The following KAT2B variants were observed in gnomAD, a reference collection of about 807,000 sequenced individuals.
KAT2B encodes the protein lysine acetyltransferase 2B, also known as histone acetyltransferase KAT2B.
Under a neutral mutation model 105.9 loss-of-function variants are expected in KAT2B, and 36 were observed. The observed-to-expected ratio is 0.34, with a 90% confidence interval of 0.26 to 0.45. KAT2B has a LOEUF of 0.45. Ranked by LOEUF, KAT2B falls within the 20% of genes least tolerant of loss-of-function variation. The pLI is 1.00. For missense variants in KAT2B, 820 were observed against 1,021.6 expected, an observed-to-expected ratio of 0.80 and a Z score of 2.69; for synonymous variants, 397 against 377.9, an observed-to-expected ratio of 1.05 and a Z score of -0.59.
At chr3:20,136,352 T>C (rs1699598490) in intron 11 of KAT2B, among the ~76,000 whole-genome samples, 1 of 152,226 alleles carries the variant, frequency 6.6e-6, no homozygotes, top group Non-Finnish European at 1.5e-5. Flanking sequence ...TACTTTCTAA[T>C]GTCTTCTGGC....
intron 1 of KAT2B, among the ~76,000 whole-genome samples, chr3:20,047,575 A>G (rs1697836025): frequency 6.7e-6 from 1 of 148,990 alleles, no homozygotes; most frequent in Middle Eastern, 3.6e-3. Context: ...GACTTCTTCC[A>G]TCCCCGAAAG....
In KAT2B at chr3:20,040,474, C is replaced by T. The variant is rs1575098543; in HGVS notation, c.-4C>T. On this transcript the variant is annotated 5_prime_UTR_variant, in exon 1 of 18. Coordinates refer to ENST00000263754, the MANE Select transcript of KAT2B (RefSeq NM_003884.5). ...CGGCGCCTCCTGCCGTGCTCCGGGGCGGCATGTCCGAGGCTGGCGGGGCCG... is the reference window on the plus strand; with the variant it reads ...CGGCGCCTCCTGCCGTGCTCCGGGGTGGCATGTCCGAGGCTGGCGGGGCCG... The T allele has an allele frequency of 1.9e-6, 2 of 1,063,776 alleles. No homozygotes were observed. Among genetic ancestry groups the T allele is most frequent in the Non-Finnish European group, 1.1e-6 (1 of 882,626 alleles). The allele number at this position is 1,063,776 out of a possible 1,614,324, so 65.9% of individuals were successfully genotyped here.
intron 1 of KAT2B, among the ~76,000 whole-genome samples, chr3:20,058,453 C>CAAA (rs35239760): frequency 9.6e-4 from 71 of 74,228 alleles, no homozygotes; most frequent in East Asian, 2.9e-3. Context: ...GACTCTGTCT[C>CAAA]AAAAAAAAAA....
At chr3:20,135,246 A>G (rs1699580062) in intron 11 of KAT2B, among the ~76,000 whole-genome samples, 1 of 152,242 alleles carries the variant, frequency 6.6e-6, no homozygotes, top group African/African-American at 2.4e-5. Flanking sequence ...AATTTGCAGA[A>G]GAGGGAGATG....
chr3:20,047,567 C>G (rs776767562), intron 1 of KAT2B, among the ~76,000 whole-genome samples: 4 of 149,966 alleles, frequency 2.7e-5, no homozygotes, highest in Non-Finnish European at 5.9e-5. Flanking sequence ...AGTGTTATGA[C>G]TTCTTCCATC....
intron 2 of KAT2B, among the ~76,000 whole-genome samples, chr3:20,074,203 T>C (rs2125182537): frequency 6.6e-6 from 1 of 152,352 alleles, no homozygotes; most frequent in East Asian, 1.9e-4. Context: ...GACAGTGTTT[T>C]CTGGCCTTAC....
At chr3:20,128,224 A>G (rs1197024074) in intron 11 of KAT2B, among the ~76,000 whole-genome samples, 1 of 152,248 alleles carries the variant, frequency 6.6e-6, no homozygotes, top group Non-Finnish European at 1.5e-5. Context: ...TTCATTGTTA[A>G]TTTACACATA....
chr3:20,070,622 T>TA (rs1464783631), intron 1 of KAT2B, among the ~76,000 whole-genome samples: 1 of 151,680 alleles, frequency 6.6e-6, no homozygotes, highest in Non-Finnish European at 1.5e-5. Context: ...CTTATACTGT[T>TA]ACACATATAT....
At chr3:20,072,712 A>G (rs962966827) in intron 2 of KAT2B, among the ~76,000 whole-genome samples, 7 of 152,180 alleles carry the variant, frequency 4.6e-5, no homozygotes, top group Non-Finnish European at 8.8e-5. Context: ...GCCAAATAAG[A>G]TGAAACATGA....
intron 3 of KAT2B, among the ~76,000 whole-genome samples, chr3:20,096,736 T>G (rs1424974313): frequency 6.6e-6 from 1 of 152,184 alleles, no homozygotes; most frequent in African/African-American, 2.4e-5. Flanking sequence ...TAGTGCAAAT[T>G]TTGTACCCAG....
chr3:20,062,196 T>TA lies in KAT2B; in HGVS notation c.304-10136dup, dbSNP rs1559514287. 7.9e-4 allele frequency among the ~76,000 whole-genome samples: 30 copies of TA among 37,796 alleles called. 1 individual carries two copies. The highest frequency in any genetic ancestry group is 1.2e-3 in the South Asian group (2 of 1,670). The allele number at this position is 37,796 out of a possible 152,430, so 24.8% of individuals were successfully genotyped here. ...TATAATATATAATATATAAAATATA[T>TA]ATATTTTATATAAAATATATTATAT... On this transcript the variant is annotated intron_variant, in intron 1 of 17. Coordinates refer to ENST00000263754, the MANE Select transcript of KAT2B (RefSeq NM_003884.5).
In KAT2B at chr3:20,075,926, T is replaced by TAAA. The variant is rs1559303046; in HGVS notation, c.430+3467_430+3468insAAA. ...CCATCTCAAAAAAAAAAAAAAAAAT[T>TAAA]TTTTTCATACGGCTTTATCTCTACA... On this transcript the variant is annotated intron_variant, in intron 2 of 17. Coordinates refer to ENST00000263754, the MANE Select transcript of KAT2B (RefSeq NM_003884.5). Among the ~76,000 whole-genome samples, 491 of 137,078 alleles carry TAAA rather than the reference T, an allele frequency of 3.6e-3. 4 individuals are homozygous for TAAA. Among genetic ancestry groups the TAAA allele is most frequent in the African/African-American group, 0.013 (470 of 36,344 alleles). 89.9% of individuals were successfully genotyped at this position (137,078 alleles called of 152,430 possible).
At chr3:20,068,267 AT>A (rs75268190) in intron 1 of KAT2B, among the ~76,000 whole-genome samples, 7,309 of 151,850 alleles carry the variant, frequency 0.048, 409 homozygotes, top group East Asian at 0.22. Context: ...AAGTGCTGCA[AT>A]TATAGGTGTG....
intron 11 of KAT2B, among the ~76,000 whole-genome samples, chr3:20,128,407 T>C (rs1263865127): frequency 6.6e-6 from 1 of 152,202 alleles, no homozygotes. Flanking sequence ...TGAAATTCTA[T>C]AAGGGAAGTC....
At chr3:20,064,897 T>C (rs1418349191) in intron 1 of KAT2B, among the ~76,000 whole-genome samples, 6 of 152,340 alleles carry the variant, frequency 3.9e-5, no homozygotes, top group African/African-American at 1.2e-4. Flanking sequence ...AGAATTTTGC[T>C]AGACAGCTGG....
At chr3:20,072,995 T>C (rs1006281934) in intron 2 of KAT2B, among the ~76,000 whole-genome samples, 1 of 152,144 alleles carries the variant, frequency 6.6e-6, no homozygotes, top group African/African-American at 2.4e-5. Context: ...CTTTCAACTT[T>C]CTTATCTGAC....
intron 1 of KAT2B, among the ~76,000 whole-genome samples, chr3:20,064,981 C>G (rs1037173956): frequency 2.0e-5 from 3 of 152,322 alleles, no homozygotes; most frequent in African/African-American, 7.2e-5. Flanking sequence ...ACTGCGTGAA[C>G]TGTGAGCTCT....
intron 1 of KAT2B, among the ~76,000 whole-genome samples, chr3:20,069,493 G>A (rs939013852): frequency 6.6e-6 from 1 of 150,566 alleles, no homozygotes; most frequent in African/African-American, 2.5e-5. Flanking sequence ...ATATAGGGGA[G>A]GGCAGAGAGC....
intron 2 of KAT2B, among the ~76,000 whole-genome samples, chr3:20,085,511 CT>C (rs11346744): frequency 0.32 from 44,333 of 137,374 alleles, 8,347 homozygotes; most frequent in East Asian, 0.59. Flanking sequence ...TTCTTTCTTT[CT>C]TTTTTTTTTT....
Sources: allele counts gnomAD v4.1 joint callset (sites outside exome capture counted in the v4.1 genomes callset), GRCh38; gene constraint gnomAD v4.1.1; transcripts MANE v1.5; gene names NCBI Gene and HGNC (gene_info 2026-07-23, HGNC 2026-07-21).